FHIP1A: variants seen among roughly 807,000 people sequenced by gnomAD.
FHIP1A encodes FHF complex subunit HOOK-interacting protein 1A.
Under a neutral mutation model 88.6 loss-of-function variants are expected in FHIP1A, and 61 were observed. The observed-to-expected ratio is 0.69, with a 90% CI of 0.56 to 0.85. The LOEUF is 0.85. Ranked by LOEUF, FHIP1A falls within the 40% of genes least tolerant of loss-of-function variation. The pLI is 0.00. For synonymous variants in FHIP1A, 478 were observed against 496.0 expected (o/e 0.96, Z 0.48); for missense variants, 1,154 against 1,273.5 (o/e 0.91, Z 1.43).
intron 7 of FHIP1A, among the ~76,000 whole-genome samples, chr4:151,616,428 A>C (rs1735518991): frequency 7.1e-6 from 1 of 140,392 alleles, no homozygotes; most frequent in Non-Finnish European, 1.6e-5. Flanking sequence ...AGAGACAAAT[A>C]TATCTTTCTT....
chr4:151,622,945 A>G (rs1010595829), intron 7 of FHIP1A, among the ~76,000 whole-genome samples: 1 of 152,194 alleles, frequency 6.6e-6, no homozygotes, highest in African/African-American at 2.4e-5. Context: ...AAATTATATC[A>G]TAATGAAGCT....
rs1580640483 is a variant in FHIP1A at position 151,502,536 on chromosome 4, T to G, written c.-123+19888T>G. 2.0e-5 allele frequency among the ~76,000 whole-genome samples: 3 copies of G among 152,030 alleles called. No individual in the cohort carries two copies. In the East Asian group the frequency reaches 5.8e-4, roughly 29 times the overall value. Reference sequence around the variant, plus strand: ...AGGTGGAAGAAAGAATTAGGAAACTTTTAGATAGGGCAACAGGAATCACCC... The same window carrying G: ...AGGTGGAAGAAAGAATTAGGAAACTGTTAGATAGGGCAACAGGAATCACCC... On this transcript the variant is annotated intron_variant, in intron 3 of 13. Transcript: ENST00000435205.
chr4:151,589,943 T>C (rs2126810346), intron 7 of FHIP1A, among the ~76,000 whole-genome samples: 1 of 152,292 alleles, frequency 6.6e-6, no homozygotes, highest in East Asian at 1.9e-4. Context: ...GGTTTAAACA[T>C]AAAAATACTG....
At chr4:151,439,265 C>T (rs1728317822) in intron 1 of FHIP1A, among the ~76,000 whole-genome samples, 1 of 152,014 alleles carries the variant, frequency 6.6e-6, no homozygotes, top group South Asian at 2.1e-4. Flanking sequence ...CCAGAGTCTT[C>T]CTTGGGGAAG....
intron 1 of FHIP1A, among the ~76,000 whole-genome samples, chr4:151,422,825 G>A (rs1733224093): frequency 6.6e-6 from 1 of 152,194 alleles, no homozygotes; most frequent in Non-Finnish European, 1.5e-5. Context: ...GAGAAGGCTG[G>A]AATTGAGAAG....
chr4:151,519,578 A>G (rs572107680), intron 3 of FHIP1A, among the ~76,000 whole-genome samples: 2 of 152,130 alleles, frequency 1.3e-5, no homozygotes, highest in East Asian at 3.9e-4. Flanking sequence ...GTGTGTGTGT[A>G]TAGTAAGTGT....
intron 1 of FHIP1A, among the ~76,000 whole-genome samples, chr4:151,437,823 CT>C (rs1728258485): frequency 6.6e-6 from 1 of 152,130 alleles, no homozygotes; most frequent in South Asian, 2.1e-4. Context: ...GGCACATCAA[CT>C]TTAGACATAC....
At chr4:151,507,776 G>T (rs1730887489) in intron 3 of FHIP1A, among the ~76,000 whole-genome samples, 1 of 152,198 alleles carries the variant, frequency 6.6e-6, no homozygotes, top group Non-Finnish European at 1.5e-5. Context: ...GAGAACCACA[G>T]TTCTGTCCTC....
At chr4:151,620,703 G>A (rs1468091156) in intron 7 of FHIP1A, among the ~76,000 whole-genome samples, 2 of 151,426 alleles carry the variant, frequency 1.3e-5, no homozygotes, top group Admixed American at 1.3e-4. Context: ...AAGGAAATTA[G>A]CATTATAAAT....
intron 3 of FHIP1A, among the ~76,000 whole-genome samples, chr4:151,563,226 C>T (rs189683696): frequency 1.1e-4 from 17 of 152,174 alleles, no homozygotes; most frequent in African/African-American, 4.8e-5. Context: ...TTTGACAGCT[C>T]ATCTCTTTCT....
intron 2 of FHIP1A, among the ~76,000 whole-genome samples, chr4:151,465,454 C>G (rs1296193249): frequency 6.6e-6 from 1 of 152,168 alleles, no homozygotes; most frequent in East Asian, 1.9e-4. Context: ...CAAAGAGGAG[C>G]TGATACCAAT....
intron 9 of FHIP1A, among the ~76,000 whole-genome samples, chr4:151,640,862 G>GCCA (rs1736561547): frequency 6.6e-6 from 1 of 152,160 alleles, no homozygotes; most frequent in Non-Finnish European, 1.5e-5. Context: ...TTACAAAAGT[G>GCCA]TCCGCAGAGA....
chr4:151,576,301 C>T (rs72954811), intron 4 of FHIP1A, among the ~76,000 whole-genome samples: 31 of 152,130 alleles, frequency 2.0e-4, no homozygotes, highest in African/African-American at 7.2e-4. Flanking sequence ...ACAAAATAGG[C>T]CACCTTAACC....
At chr4:151,515,562 T>C (rs968524361) in intron 3 of FHIP1A, among the ~76,000 whole-genome samples, 8 of 152,162 alleles carry the variant, frequency 5.3e-5, no homozygotes, top group Non-Finnish European at 1.0e-4. Context: ...ACCCCATTGT[T>C]TCAGCCCTAA....
Position 151,431,596 on chromosome 4 carries a change from A to G in FHIP1A, c.-356+22131A>G, listed in dbSNP as rs147134803. Among the ~76,000 whole-genome samples the G allele has an allele frequency of 3.4e-3, 525 of 152,220 alleles. 5 individuals carry two copies. Among genetic ancestry groups the G allele is most frequent in the South Asian group, 0.011 (52 of 4,824 alleles). ...AAATTATTTTGCTGTGGCTTCAGGA[A>G]GTCTTAGGTATGAGGGCAGTAATGT... On this transcript the variant is annotated intron_variant, in intron 1 of 13. Coordinates refer to ENST00000435205, the MANE Select transcript of FHIP1A (RefSeq NM_001109977.3).
rs1580645275 is a variant in FHIP1A, at chr4:151,506,614, G to A, written c.-123+23966G>A. ...CAAGAGAGAGAGGGGAGGGAGTACC[G>A]GGCTTTTTTTAACAGTCAGTTCTTG... is the stretch of plus-strand genomic sequence containing the variant. On this transcript the variant is annotated intron_variant, in intron 3 of 13. Coordinates refer to ENST00000435205, the MANE Select transcript of FHIP1A (RefSeq NM_001109977.3). Among the ~76,000 whole-genome samples the A allele has an allele frequency of 2.6e-5, 4 of 152,138 alleles. No individual in the cohort carries two copies. The South Asian group carries it at 6.2e-4, about 24-fold the overall frequency.
chr4:151,628,452 C>G (rs561013833), intron 7 of FHIP1A, among the ~76,000 whole-genome samples: 58 of 152,266 alleles, frequency 3.8e-4, no homozygotes, highest in African/African-American at 1.4e-3. Context: ...ACTTATGTAG[C>G]AGATCTGGAC....
At chr4:151,522,945 A>C (rs1731498109) in intron 3 of FHIP1A, among the ~76,000 whole-genome samples, 1 of 152,198 alleles carries the variant, frequency 6.6e-6, no homozygotes, top group Non-Finnish European at 1.5e-5. Flanking sequence ...TTTAGCTGTC[A>C]GGGGTTTGTG....
intron 8 of FHIP1A, among the ~76,000 whole-genome samples, chr4:151,634,659 G>A (rs573946833): frequency 2.1e-4 from 32 of 151,742 alleles, no homozygotes; most frequent in Non-Finnish European, 3.7e-4. Flanking sequence ...AGGAAAGGAC[G>A]GTTTCATCAA....
Sources: gnomAD v4.1 joint callset for allele counts (sites outside exome capture counted in the v4.1 genomes callset) on GRCh38, gnomAD v4.1.1 for gene constraint, MANE v1.5 for transcripts, NCBI Gene and HGNC (gene_info 2026-07-23, HGNC 2026-07-21) for gene names.